Variants in SH3KBP1 observed in about 807,000 individuals in gnomAD.
SH3KBP1 encodes SH3 domain containing kinase binding protein 1.
SH3KBP1 carries 8 observed loss-of-function variants against 50.1 expected under a neutral mutation model. That is an observed-to-expected ratio of 0.16 (90% CI 0.09 to 0.29). The LOEUF is 0.29. Ranked by LOEUF, SH3KBP1 falls within the 10% of genes least tolerant of loss-of-function variation. The pLI is 1.00. For missense variants in SH3KBP1, 377 were observed against 535.2 expected (o/e 0.70, Z 2.92); for synonymous variants, 227 against 218.6 (o/e 1.04, Z -0.34).
intron 6 of SH3KBP1, among the ~76,000 whole-genome samples, chrX:19,675,110 T>TAAAC (rs1319973902): frequency 8.4e-4 from 93 of 110,385 alleles, no homozygotes; most frequent in Non-Finnish European, 1.7e-3. Flanking sequence ...AATAAATAAA[T>TAAAC]AGAAATAACC....
chrX:19,785,101 G>A (rs2066298042), intron 2 of SH3KBP1, among the ~76,000 whole-genome samples: 1 of 110,589 alleles, frequency 9.0e-6, no homozygotes, highest in Admixed American at 9.7e-5. Context: ...GGCAAATGAA[G>A]ATATCACCCC....
chrX:19,772,236 C>T (rs978050347), intron 2 of SH3KBP1, among the ~76,000 whole-genome samples: 1 of 111,660 alleles, frequency 9.0e-6, no homozygotes, highest in Non-Finnish European at 1.9e-5. Flanking sequence ...TTTAAAAACT[C>T]AGTTATTACC....
intron 8 of SH3KBP1, among the ~76,000 whole-genome samples, chrX:19,611,956 GAAAAAAA>G (rs3036638): frequency 5.3e-4 from 20 of 38,041 alleles, no homozygotes; most frequent in Middle Eastern, 0.023. Flanking sequence ...AGCAGAAGTA[GAAAAAAA>G]AAAAAAAAAA....
chrX:19,590,995 T>C (rs1473975209), intron 11 of SH3KBP1, among the ~76,000 whole-genome samples: 1 of 107,714 alleles, frequency 9.3e-6, no homozygotes, highest in Non-Finnish European at 1.9e-5. Context: ...GTTATTCATA[T>C]AGTATATACT....
chrX:19,713,638 A>C (rs1379904494), intron 3 of SH3KBP1, among the ~76,000 whole-genome samples: 1 of 111,365 alleles, frequency 9.0e-6, no homozygotes, highest in Non-Finnish European at 1.9e-5. Flanking sequence ...TTCCATGCAT[A>C]GAATGTGTAG....
intron 13 of SH3KBP1, among the ~76,000 whole-genome samples, chrX:19,568,155 A>G (rs2065905721): frequency 8.9e-6 from 1 of 111,796 alleles, no homozygotes; most frequent in Admixed American, 9.5e-5. Flanking sequence ...GGTACAAAAA[A>G]TATAGTTAGA....
intron 6 of SH3KBP1, among the ~76,000 whole-genome samples, chrX:19,659,945 TGTGCCTTGCACAG>T (rs1388066933): frequency 1.8e-5 from 2 of 112,947 alleles, no homozygotes; most frequent in Non-Finnish European, 3.7e-5. Context: ...TATCTACCCA[TGTGCCTTGCACAG>T]GAGATGCTAA....
intron 2 of SH3KBP1, among the ~76,000 whole-genome samples, chrX:19,793,723 T>G (rs1441387497): frequency 9.0e-6 from 1 of 111,724 alleles, no homozygotes; most frequent in Non-Finnish European, 1.9e-5. Context: ...CTACTTCAGA[T>G]GCTAACTTGG....
chrX:19,646,952 T>G (rs1307764906), intron 6 of SH3KBP1, among the ~76,000 whole-genome samples: 1 of 112,059 alleles, frequency 8.9e-6, no homozygotes, highest in East Asian at 2.8e-4. Context: ...ACATCAGGGA[T>G]GAAAAAAGCT....
intron 2 of SH3KBP1, among the ~76,000 whole-genome samples, chrX:19,760,023 C>CCTCTCTCTCT (rs375944570): frequency 1.2e-5 from 1 of 83,582 alleles, no homozygotes; most frequent in Non-Finnish European, 2.2e-5. Flanking sequence ...CTCTCTCTCT[C>CCTCTCTCTCT]CTCTCTCTCT....
intron 3 of SH3KBP1, among the ~76,000 whole-genome samples, chrX:19,715,349 T>G (rs2063885036): frequency 9.2e-6 from 1 of 108,625 alleles, no homozygotes; most frequent in Admixed American, 9.9e-5. Flanking sequence ...GGAGATTGGA[T>G]AGAGGATAGA....
At chrX:19,715,532 G>T (rs937963804) in intron 3 of SH3KBP1, among the ~76,000 whole-genome samples, 17 of 110,955 alleles carry the variant, frequency 1.5e-4, no homozygotes, top group Admixed American at 9.6e-4. Flanking sequence ...ATTGGTCTGA[G>T]GTGCAGCCTG....
chrX:19,649,579 A>C (rs181632429), intron 6 of SH3KBP1, among the ~76,000 whole-genome samples: 39 of 111,965 alleles, frequency 3.5e-4, no homozygotes, highest in African/African-American at 1.2e-3. Flanking sequence ...TTAAAAATCA[A>C]TAATTCAGAA....
intron 2 of SH3KBP1, among the ~76,000 whole-genome samples, chrX:19,750,994 T>A (rs2065049506): frequency 9.0e-6 from 1 of 111,292 alleles, no homozygotes; most frequent in Admixed American, 9.5e-5. Flanking sequence ...TCCTAGTACA[T>A]CTCACCTCCT....
At chrX:19,577,907 G>C (rs139626960) in intron 12 of SH3KBP1, among the ~76,000 whole-genome samples, 5,245 of 110,781 alleles carry the variant, frequency 0.047, 309 homozygotes, top group African/African-American at 0.16. Flanking sequence ...CCAGAAAGGA[G>C]GTACGAGTGT....
intron 9 of SH3KBP1, among the ~76,000 whole-genome samples, chrX:19,598,286 C>T (rs749102338): frequency 1.0e-3 from 110 of 109,054 alleles, no homozygotes; most frequent in African/African-American, 3.6e-3. Flanking sequence ...GAGATGGAGT[C>T]TCACTATGTT....
At position 19,731,346 on chromosome X, in the gene SH3KBP1, G is replaced by A. The variant is rs762976773; in HGVS notation, c.286+14972C>T. Among the ~76,000 whole-genome samples the A allele has an allele frequency of 1.8e-3, 201 of 112,240 alleles. 1 individual carries two copies. Among genetic ancestry groups the A allele is most frequent in the African/African-American group, 6.2e-3 (193 of 30,922 alleles). On this transcript the variant is annotated intron_variant, in intron 3 of 17. Transcript: ENST00000397821. ...TTGTCTTGTATACATTCTCGCACTC[G>A]CCATCGCATGTTACACAAGTGAATG... is the stretch of plus-strand genomic sequence containing the variant.
chrX:19,679,634 T>G (rs1163477491), intron 6 of SH3KBP1, among the ~76,000 whole-genome samples: 1 of 111,616 alleles, frequency 9.0e-6, no homozygotes, highest in Non-Finnish European at 1.9e-5. Context: ...TTTAACCTTT[T>G]ATCAAGGGAA....
chrX:19,775,413 T>TAAAA (rs1295503360), intron 2 of SH3KBP1, among the ~76,000 whole-genome samples: 1 of 112,350 alleles, frequency 8.9e-6, no homozygotes, highest in Non-Finnish European at 1.9e-5. Context: ...AAGCCTTTTC[T>TAAAA]GGAAAGTCTT....
Sources: allele counts gnomAD v4.1 joint callset (sites outside exome capture counted in the v4.1 genomes callset), GRCh38; gene constraint gnomAD v4.1.1; transcripts MANE v1.5; gene names NCBI Gene and HGNC (gene_info 2026-07-23, HGNC 2026-07-21).